CHCHD10: variants seen among roughly 807,000 people sequenced by gnomAD.
The protein encoded by CHCHD10 is coiled-coil-helix-coiled-coil-helix domain-containing protein 10, mitochondrial.
Under a neutral mutation model 14.8 loss-of-function variants are expected in CHCHD10, and 10 were observed. The ratio of observed to expected loss-of-function variants is 0.67; its 90% CI spans 0.42 to 1.14. The LOEUF (loss-of-function observed/expected upper bound fraction) is 1.14, where lower values mean the gene tolerates loss of function less well. Ranked by LOEUF, CHCHD10 falls within the 50% of genes most tolerant of loss-of-function variation. The probability of loss-of-function intolerance (pLI) is 0.00; values close to 1 mark genes in which losing one functional copy is unlikely to be tolerated. For missense variants in CHCHD10, 203 were observed against 196.9 expected, an observed-to-expected ratio of 1.03 and a Z score of -0.19; for synonymous variants, 90 against 85.2, an observed-to-expected ratio of 1.06 and a Z score of -0.31.
In CHCHD10 at chr22:23,766,222, C is replaced by T. The variant is rs1926789473; in HGVS notation, c.315G>A (p.Glu105=). 6.3e-7 allele frequency: 1 copy of T among 1,595,926 alleles called. No individual in the cohort carries two copies. Among genetic ancestry groups the T allele is most frequent in the East Asian group, 2.3e-5 (1 of 43,902 alleles). ...QPLQMGPCAY[E]IRQFLDCSTT... Reference sequence around the variant, plus strand: ...TGGAACAGTCCAGGAACTGCCTGATCTCGTAGGCGCAGGGCCCCATCTGCA... The same window carrying T: ...TGGAACAGTCCAGGAACTGCCTGATTTCGTAGGCGCAGGGCCCCATCTGCA... The change falls in exon 3 of 4, where the codon GAG becomes GAA. Residue 105 remains glutamate, a synonymous_variant. Transcript: ENST00000484558.
At chr22:23,767,740 CGCA>C in intron 1 of CHCHD10, 91 bp downstream of exon 1, 2 of 1,162,886 alleles carry the variant, frequency 1.7e-6, no homozygotes, top group Non-Finnish European at 1.2e-6. Flanking sequence ...GCCAAGATGG[CGCA>C]GCAGCAGCCA....
At position 23,766,020 on chromosome 22, in the gene CHCHD10, C is replaced by G; in HGVS notation, c.416G>C (p.Ser139Thr). The G allele has an allele frequency of 6.2e-7, 1 of 1,613,704 alleles. No homozygotes were observed. Among genetic ancestry groups the G allele is most frequent in the Non-Finnish European group, 8.5e-7 (1 of 1,179,864 alleles). The change falls in exon 4 of 4, where the codon AGC (serine) becomes ACC (threonine). Residue 139 changes from serine to threonine, a missense_variant. Ser to Thr is a moderately conservative substitution (Grantham distance 58). Coordinates refer to ENST00000484558, the MANE Select transcript of CHCHD10 (RefSeq NM_213720.3). ...GCACCGACCTCTTCAGGGCAGGGAG[C>G]TCAGACCTGGGAAGGGAGGGGCAGC... ...LKQCKYYHGL[S>T]SLP
chr22:23,767,286 C>G, intron 2 of CHCHD10, 88 bp downstream of exon 2: 3 of 1,117,146 alleles, frequency 2.7e-6, no homozygotes, highest in African/African-American at 1.6e-5. Context: ...GGTGAATACA[C>G]GCGGACACTC....
Position 23,767,523 on chromosome 22 carries a change from G to T in CHCHD10, c.112C>A (p.Pro38Thr). 1 of 1,490,346 alleles carries T rather than the reference G, an allele frequency of 6.7e-7. No individual in the cohort carries two copies. Among genetic ancestry groups the T allele is most frequent in the South Asian group, 1.2e-5 (1 of 80,008 alleles). The allele number at this position is 1,490,346 out of a possible 1,614,324, so 92.3% of individuals were successfully genotyped here. A position where few individuals can be genotyped will look rare whatever the true frequency, so the allele number is the denominator to read the frequency against. Reference sequence around the variant, plus strand: ...GCCATGAGCCCCGGCTGGCCCGAAGGGGCGGGGGCTGGGGCGGCTGCCGAG... The same window carrying T: ...GCCATGAGCCCCGGCTGGCCCGAAGTGGCGGGGGCTGGGGCGGCTGCCGAG... ...PPSAAAPAPA[P>T]SGQPGLMAQM... Residue 38 changes from proline to threonine, a missense_variant, in exon 2 of 4, where the codon CCT becomes ACT. By Grantham distance (38) the Pro-to-Thr change is conservative. Coordinates refer to ENST00000484558, the MANE Select transcript of CHCHD10 (RefSeq NM_213720.3).
At chr22:23,766,826 T>C (rs762760737) in intron 2 of CHCHD10, among the ~76,000 whole-genome samples, 1 of 152,192 alleles carries the variant, frequency 6.6e-6, no homozygotes, top group Non-Finnish European at 1.5e-5. Flanking sequence ...CCCAGTACTC[T>C]GCCTGTACTC....
At chr22:23,767,713 C>T (rs933945111) in intron 1 of CHCHD10, 120 bp from the exon 2 acceptor site, 10 of 994,264 alleles carry the variant, frequency 1.0e-5, no homozygotes, top group Middle Eastern at 2.5e-4. Flanking sequence ...GGGTGCTGCA[C>T]CCCCACCCCT....
At chr22:23,766,765 A>G (rs1027300068) in intron 2 of CHCHD10, among the ~76,000 whole-genome samples, 2 of 152,118 alleles carry the variant, frequency 1.3e-5, no homozygotes, top group Non-Finnish European at 2.9e-5. Flanking sequence ...GCTGCCTTCT[A>G]ATGGGCACTT....
intron 2 of CHCHD10, 51 bp from the exon 3 acceptor site, chr22:23,766,326 G>C (rs1266333131): frequency 6.7e-7 from 1 of 1,502,782 alleles, no homozygotes; most frequent in Admixed American, 2.1e-5. Context: ...TTGGCACCTG[G>C]AGGTGCGTTT....
chr22:23,767,405 C>T lies in CHCHD10; in HGVS notation c.230G>A (p.Ser77Asn), dbSNP rs1420635412. Residue 77 changes from serine (S) to asparagine (N), a missense_variant, in exon 2 of 4, where the codon AGC becomes AAC. Ser to Asn is a conservative substitution (Grantham distance 46, BLOSUM62 1). Transcript: ENST00000484558. Reference sequence around the variant, plus strand: ...GACAGCAGGCTGGGAGGGCTCCGAGCTCCCCCCGCTGAAGGCTCCGGTCAG... The same window carrying T: ...GACAGCAGGCTGGGAGGGCTCCGAGTTCCCCCCGCTGAAGGCTCCGGTCAG... ...SALTGAFSGG[S>N]SEPSQPAVQQ... 2 of 1,608,244 alleles carry T rather than the reference C, an allele frequency of 1.2e-6. No homozygotes were observed. Among genetic ancestry groups the T allele is most frequent in the South Asian group, 1.1e-5 (1 of 90,330 alleles).
At chr22:23,767,616 G>A (rs1926958633) in intron 1 of CHCHD10, 23 bp from the exon 2 acceptor site, 1 of 1,030,924 alleles carries the variant, frequency 9.7e-7, no homozygotes, top group Non-Finnish European at 1.3e-6. Context: ...GAGGAAGCAG[G>A]GTTAATCCTG....
In CHCHD10 at chr22:23,766,155, C is replaced by A. The variant is rs371437007; in HGVS notation, c.382G>T (p.Ala128Ser). 1.4e-5 allele frequency: 23 copies of A among 1,613,484 alleles called. No individual in the cohort carries two copies. In the African/African-American group the frequency reaches 2.1e-4, roughly 15 times the overall value. ...DLSLCEGFSE[A>S]LKQCKYYHGL... is the part of the protein sequence containing the mutation. Reference sequence around the variant, plus strand: ...TGGTAGTACTTGCACTGCTTCAGGGCCTCGCTGAAGCCCTCACACAGGGAC... The same window carrying A: ...TGGTAGTACTTGCACTGCTTCAGGGACTCGCTGAAGCCCTCACACAGGGAC... The change falls in exon 3 of 4, where the codon GCC becomes TCC. Residue 128 changes from alanine to serine, a missense_variant. Physicochemically the swap from Ala to Ser is moderately conservative, Grantham distance 99. Coordinates refer to ENST00000484558, the MANE Select transcript of CHCHD10 (RefSeq NM_213720.3).
chr22:23,767,820 T>A lies in CHCHD10; in HGVS notation c.41+14A>T, dbSNP rs1357309510. On this transcript the variant is annotated intron_variant, in intron 1 of 3. Coordinates refer to ENST00000484558, the MANE Select transcript of CHCHD10 (RefSeq NM_213720.3). ...CCTAACCCCCTCCCCACAGGGCCCT[T>A]GTCCCCCTCACACCTGGCTGGCCGG... 1 of 1,545,002 alleles carries A rather than the reference T, an allele frequency of 6.5e-7. No individual in the cohort carries two copies. Among genetic ancestry groups the A allele is most frequent in the Non-Finnish European group, 8.7e-7 (1 of 1,146,134 alleles).
chr22:23,767,779 G>T, intron 1 of CHCHD10, 55 bp downstream of exon 1: 2 of 1,431,550 alleles, frequency 1.4e-6, no homozygotes, highest in East Asian at 5.4e-5. Context: ...CGCCCTTAGG[G>T]GAGTGCCCAC....
At chr22:23,766,673 C>T (rs541507944) in intron 2 of CHCHD10, among the ~76,000 whole-genome samples, 5 of 152,156 alleles carry the variant, frequency 3.3e-5, no homozygotes, top group African/African-American at 9.6e-5. Flanking sequence ...AGGCTGGTAT[C>T]GAACTCCTGA....
In CHCHD10 at chr22:23,767,598, G is replaced by A. The variant is rs868345557; in HGVS notation, c.42-5C>T. On this transcript the variant is annotated splice_region_variant and splice_polypyrimidine_tract_variant and intron_variant, in intron 1 of 3. Coordinates refer to ENST00000484558, the MANE Select transcript of CHCHD10 (RefSeq NM_213720.3). ...GCAGAGGGCGCGGCTGGGCGGCTGC[G>A]GGGGTGGGAGGAAGCAGGGTTAATC... 9 of 1,153,980 alleles carry A rather than the reference G, an allele frequency of 7.8e-6. No individual in the cohort carries two copies. Among genetic ancestry groups the A allele is most frequent in the Admixed American group, 4.1e-5 (1 of 24,614 alleles). 71.5% of individuals were successfully genotyped at this position (1,153,980 alleles called of 1,614,324 possible).
intron 2 of CHCHD10, among the ~76,000 whole-genome samples, chr22:23,766,880 G>T (rs548782943): frequency 1.3e-5 from 2 of 152,274 alleles, no homozygotes; most frequent in South Asian, 4.1e-4. Flanking sequence ...CACCTTCCTG[G>T]CTCAGCTACA....
rs141526972 is a variant in CHCHD10, at chr22:23,767,827, C to T, written c.41+7G>A. On this transcript the variant is annotated splice_region_variant and intron_variant, in intron 1 of 3. Coordinates refer to ENST00000484558, the MANE Select transcript of CHCHD10 (RefSeq NM_213720.3). ...CCCTCCCCACAGGGCCCTTGTCCCC[C>T]TCACACCTGGCTGGCCGGGAGGCCG... is the stretch of plus-strand genomic sequence containing the variant. 3,307 of 1,541,748 alleles carry T rather than the reference C, an allele frequency of 2.1e-3. 8 individuals carry two copies. Among genetic ancestry groups the T allele is most frequent in the Non-Finnish European group, 2.7e-3 (3,070 of 1,145,882 alleles).
chr22:23,766,879 GGCTCA>G (rs1310319064), intron 2 of CHCHD10, among the ~76,000 whole-genome samples: 1 of 152,170 alleles, frequency 6.6e-6, no homozygotes, highest in Non-Finnish European at 1.5e-5. Flanking sequence ...GCACCTTCCT[GGCTCA>G]GCTACACTAA....
intron 1 of CHCHD10, 46 bp from the exon 2 acceptor site, chr22:23,767,639 G>A (rs1926962016): frequency 2.2e-6 from 2 of 915,500 alleles, no homozygotes; most frequent in Admixed American, 3.8e-5. Flanking sequence ...CAGACCCCAG[G>A]CTGGAGGGCT....
Sources: allele counts gnomAD v4.1 joint callset (sites outside exome capture counted in the v4.1 genomes callset), GRCh38; gene constraint gnomAD v4.1.1; transcripts MANE v1.5; gene names NCBI Gene and HGNC (gene_info 2026-07-23, HGNC 2026-07-21).